Variants in UBAP2L observed in about 807,000 individuals in gnomAD.
UBAP2L encodes ubiquitin-associated protein 2-like.
In UBAP2L, 12 loss-of-function variants were observed where a neutral mutation model predicts 130.6. That is an observed-to-expected ratio of 0.09 (90% CI 0.06 to 0.15). UBAP2L has a LOEUF of 0.15. Ranked by LOEUF, UBAP2L falls within the 10% of genes least tolerant of loss-of-function variation. The pLI is 1.00. For synonymous variants in UBAP2L, 503 were observed against 524.7 expected, an observed-to-expected ratio of 0.96 and a Z score of 0.57; for missense variants, 965 against 1,332.5, an observed-to-expected ratio of 0.72 and a Z score of 4.29.
chr1:154,267,344 C>CG (rs1683569876), intron 25 of UBAP2L, among the ~76,000 whole-genome samples: 1 of 151,590 alleles, frequency 6.6e-6, no homozygotes, highest in South Asian at 2.1e-4. Flanking sequence ...TTAGTAGAGA[C>CG]GGGGTTTCAC....
chr1:154,236,537 C>G (rs763322909), intron 6 of UBAP2L, 29 bp from the exon 7 acceptor site: 2 of 1,613,394 alleles, frequency 1.2e-6, no homozygotes, highest in South Asian at 1.1e-5. Flanking sequence ...AAATACATCT[C>G]TCTTCTCTTT....
chr1:154,265,391 G>A (rs1031725874), intron 24 of UBAP2L, among the ~76,000 whole-genome samples: 2 of 152,190 alleles, frequency 1.3e-5, no homozygotes, highest in African/African-American at 4.8e-5. Flanking sequence ...CCTCTGATGG[G>A]AAGGATCCAA....
At chr1:154,262,759 C>T (rs767881306) in intron 24 of UBAP2L, among the ~76,000 whole-genome samples, 1 of 152,022 alleles carries the variant, frequency 6.6e-6, no homozygotes, top group African/African-American at 2.4e-5. Flanking sequence ...TGAGAAGCCC[C>T]ATTGAGATTT....
rs1213498082 is a variant in UBAP2L, at chr1:154,238,999, C to A, written c.703+1863C>A. On this transcript the variant is annotated intron_variant, in intron 8 of 26. Coordinates refer to ENST00000428931, the MANE Select transcript of UBAP2L (RefSeq NM_014847.4). ...CAAGTGATCCACCTGCCTTGGCCTCCCAAAGTGCTGGGATTACAGGTGTGA... is the reference window on the plus strand; with the variant it reads ...CAAGTGATCCACCTGCCTTGGCCTCACAAAGTGCTGGGATTACAGGTGTGA... Among the ~76,000 whole-genome samples the A allele has an allele frequency of 2.0e-5, 3 of 152,138 alleles. No individual in the cohort carries two copies. In the East Asian group the frequency reaches 5.8e-4, roughly 29 times the overall value.
At chr1:154,253,530 C>T (rs1029659223) in intron 14 of UBAP2L, among the ~76,000 whole-genome samples, 3 of 151,778 alleles carry the variant, frequency 2.0e-5, no homozygotes, top group Non-Finnish European at 2.9e-5. Flanking sequence ...TACAGGTGCC[C>T]GCCACCATGC....
intron 14 of UBAP2L, among the ~76,000 whole-genome samples, chr1:154,252,619 G>A (rs1353283657): frequency 6.6e-6 from 1 of 151,790 alleles, no homozygotes; most frequent in African/African-American, 2.4e-5. Flanking sequence ...AAGTGCAATG[G>A]TGCAATCTCC....
chr1:154,227,049 C>G (rs1171631630), intron 2 of UBAP2L, among the ~76,000 whole-genome samples: 3 of 152,220 alleles, frequency 2.0e-5, no homozygotes. Flanking sequence ...TCTCAAACTA[C>G]TCACATCAGG....
intron 8 of UBAP2L, among the ~76,000 whole-genome samples, chr1:154,239,544 T>C (rs948172010): frequency 2.0e-5 from 3 of 152,228 alleles, no homozygotes; most frequent in African/African-American, 7.2e-5. Flanking sequence ...CCTAGTCTGT[T>C]GTTTAGAGCA....
intron 1 of UBAP2L, 25 bp downstream of exon 1, chr1:154,221,000 T>C: frequency 5.2e-6 from 1 of 192,842 alleles, no homozygotes; most frequent in Admixed American, 6.3e-5. Flanking sequence ...GCAGCGGCGT[T>C]GGCGGCGGCG....
intron 8 of UBAP2L, among the ~76,000 whole-genome samples, chr1:154,240,755 C>T (rs1673249474): frequency 1.3e-5 from 2 of 151,810 alleles, no homozygotes; most frequent in South Asian, 4.2e-4. Flanking sequence ...TTGTGTTTCT[C>T]TATCAGTGCT....
intron 24 of UBAP2L, among the ~76,000 whole-genome samples, chr1:154,262,600 ATGTGGGC>A (rs1681930458): frequency 6.6e-6 from 1 of 152,118 alleles, no homozygotes; most frequent in African/African-American, 2.4e-5. Context: ...TTTCACCCTT[ATGTGGGC>A]TCTGGGTGGG....
chr1:154,260,383 A>G (rs1038738228), intron 22 of UBAP2L, among the ~76,000 whole-genome samples: 1 of 152,188 alleles, frequency 6.6e-6, no homozygotes. Flanking sequence ...GCCATTTGCT[A>G]GCTTTTTCCA....
At chr1:154,234,220 G>A (rs867152931) in intron 4 of UBAP2L, among the ~76,000 whole-genome samples, 1 of 151,922 alleles carries the variant, frequency 6.6e-6, no homozygotes, top group Non-Finnish European at 1.5e-5. Context: ...AAAATTAGCC[G>A]GGCATGGTGT....
At position 154,268,840 on chromosome 1, in the gene UBAP2L, C is replaced by T. The variant is rs1558240748; in HGVS notation, c.3054C>T (p.Pro1018=). The stretch of plus-strand genomic sequence containing the variant: ...CTTCAGCCCTAGGAAGTGGGGGCCC[C>T]ATCAATCCGGCCACAGCTGCTGCCT... ...NLPSALGSGG[P]INPATAAAYP... The change falls in exon 26 of 27, where the codon CCC becomes CCT. Residue 1018 remains proline (P), a synonymous_variant. Transcript: ENST00000428931. 9 of 1,614,162 alleles carry T rather than the reference C, an allele frequency of 5.6e-6. No homozygotes were observed. In the South Asian group the frequency reaches 9.9e-5, roughly 18 times the overall value.
chr1:154,257,655 G>A lies in UBAP2L; in HGVS notation c.2442+221G>A, dbSNP rs1274102136. On this transcript the variant is annotated intron_variant, in intron 20 of 26. Coordinates refer to ENST00000428931, the MANE Select transcript of UBAP2L (RefSeq NM_014847.4). ...TGGAAAAAATTCATATATAAACAGC[G>A]TGCAGTTCAAACCTGTGTTAAGGGT... 7 of 561,380 alleles carry A rather than the reference G, an allele frequency of 1.2e-5. No homozygotes were observed. In the East Asian group the frequency reaches 1.8e-4, roughly 14 times the overall value. The allele number at this position is 561,380 out of a possible 1,614,324, so 34.8% of individuals were successfully genotyped here. A position where few individuals can be genotyped will look rare whatever the true frequency, so the allele number is the denominator to read the frequency against.
intron 7 of UBAP2L, 138 bp from the exon 8 acceptor site, chr1:154,236,886 T>C (rs1671863180): frequency 1.4e-6 from 1 of 702,882 alleles, no homozygotes; most frequent in Non-Finnish European, 2.4e-6. Context: ...TGAGAAAAAG[T>C]AGATGACACA....
chr1:154,249,835 G>A (rs906464970), intron 12 of UBAP2L, among the ~76,000 whole-genome samples: 3 of 150,714 alleles, frequency 2.0e-5, no homozygotes, highest in Non-Finnish European at 4.4e-5. Flanking sequence ...CCCCTAGTGA[G>A]GGTGAGCTAG....
intron 9 of UBAP2L, 39 bp downstream of exon 9, chr1:154,241,604 T>TC: frequency 6.2e-7 from 1 of 1,611,434 alleles, no homozygotes; most frequent in Admixed American, 1.7e-5. Flanking sequence ...ATGCCTTCTA[T>TC]CCCTAAGTGT....
At chr1:154,253,755 T>G in intron 14 of UBAP2L, 145 bp from the exon 15 acceptor site, 1 of 732,438 alleles carries the variant, frequency 1.4e-6, no homozygotes, top group Admixed American at 3.0e-5. Flanking sequence ...AGGAGGAAAT[T>G]TTGGTAGATT....
Sources: gnomAD v4.1 joint callset for allele counts (sites outside exome capture counted in the v4.1 genomes callset) on GRCh38, gnomAD v4.1.1 for gene constraint, MANE v1.5 for transcripts, NCBI Gene and HGNC (gene_info 2026-07-23, HGNC 2026-07-21) for gene names.